Variants in NALCN observed in about 807,000 individuals in gnomAD.
NALCN encodes sodium leak channel, non-selective.
In NALCN, 111 loss-of-function variants were observed where a neutral mutation model predicts 225.3. That is an observed-to-expected ratio of 0.49 (90% confidence interval 0.42 to 0.58). The LOEUF is 0.58. Among genes scored for constraint, NALCN ranks in the 20% least tolerant of loss-of-function variants. The probability of loss-of-function intolerance (pLI) is 0.00; values close to 1 mark genes in which losing one functional copy is unlikely to be tolerated. For missense variants in NALCN, 1,378 were observed against 2,202.4 expected (o/e 0.63, Z 7.49); for synonymous variants, 764 against 769.0 (o/e 0.99, Z 0.11).
chr13:101,284,943 G>A (rs1468730765), intron 9 of NALCN, among the ~76,000 whole-genome samples: 1 of 152,092 alleles, frequency 6.6e-6, no homozygotes, highest in Non-Finnish European at 1.5e-5. Context: ...ATGTGTGTAT[G>A]GTAGGAATAG....
intron 6 of NALCN, among the ~76,000 whole-genome samples, chr13:101,353,465 C>T (rs765030353): frequency 6.6e-6 from 1 of 152,182 alleles, no homozygotes; most frequent in East Asian, 1.9e-4. Flanking sequence ...CTAGCTAATT[C>T]TAATGCTGGA....
At chr13:101,065,108 C>T (rs1458810147) in intron 40 of NALCN, among the ~76,000 whole-genome samples, 1 of 152,172 alleles carries the variant, frequency 6.6e-6, no homozygotes, top group Non-Finnish European at 1.5e-5. Flanking sequence ...GGACTGTGCT[C>T]TCCCAGATCC....
At chr13:101,317,077 G>A (rs2044579652) in intron 7 of NALCN, among the ~76,000 whole-genome samples, 1 of 151,876 alleles carries the variant, frequency 6.6e-6, no homozygotes, top group African/African-American at 2.4e-5. Flanking sequence ...CTCATCTTAG[G>A]ATTTTCTAAA....
At chr13:101,249,402 A>C (rs1047691534) in intron 11 of NALCN, among the ~76,000 whole-genome samples, 10 of 152,204 alleles carry the variant, frequency 6.6e-5, no homozygotes, top group Non-Finnish European at 1.5e-4. Flanking sequence ...AGAGAAAAAG[A>C]GAAAAATATG....
intron 7 of NALCN, among the ~76,000 whole-genome samples, chr13:101,324,920 A>G (rs2044887907): frequency 6.6e-6 from 1 of 152,162 alleles, no homozygotes; most frequent in Non-Finnish European, 1.5e-5. Flanking sequence ...TTTTGTCACA[A>G]ATAGCTCTTA....
Position 101,292,315 on chromosome 13 carries a change from A to C in NALCN, c.851T>G (p.Phe284Cys). Residue 284 changes from phenylalanine to cysteine, a missense_variant, in exon 8 of 44, where the codon TTC (phenylalanine) becomes TGC (cysteine). Coordinates refer to ENST00000251127, the MANE Select transcript of NALCN (RefSeq NM_052867.4). The surrounding 1 kb of genome is among the most constrained non-coding windows in gnomAD (Gnocchi z 4.3). ...YEAASQEGWV[F>C]LMYRAIDSFP... is the part of the protein sequence containing the mutation. ...GCTGTCAATTGCTCTGTACATGAGG[A>C]ACACCCAGCCTTCCTGTGAGGCGGC... The C allele has an allele frequency of 6.2e-7, 1 of 1,614,132 alleles. No individual in the cohort carries two copies. Among genetic ancestry groups the C allele is most frequent in the Non-Finnish European group, 8.5e-7 (1 of 1,180,026 alleles).
chr13:101,344,796 A>G (rs774357122), intron 7 of NALCN, among the ~76,000 whole-genome samples: 10 of 152,180 alleles, frequency 6.6e-5, no homozygotes, highest in Non-Finnish European at 1.3e-4. Flanking sequence ...CATATTCACT[A>G]AGTAGTTCAT....
chr13:101,382,522 T>C lies in NALCN; in HGVS notation c.292-3869A>G, dbSNP rs1487548252. ...AAATTGGGGCCTCACCAATTCAGAA[T>C]GAAAAGCTATCAATAACAGATGTGA... On this transcript the variant is annotated intron_variant, in intron 3 of 43. Coordinates refer to ENST00000251127, the MANE Select transcript of NALCN (RefSeq NM_052867.4). Among the ~76,000 whole-genome samples the C allele has an allele frequency of 1.3e-5, 2 of 152,278 alleles. 1 individual carries two copies. The highest frequency in any genetic ancestry group is 2.9e-5 in the Non-Finnish European group (2 of 68,008).
At chr13:101,383,893 G>A (rs1362973206) in intron 3 of NALCN, among the ~76,000 whole-genome samples, 1 of 152,102 alleles carries the variant, frequency 6.6e-6, no homozygotes, top group Non-Finnish European at 1.5e-5. Flanking sequence ...TGAACTGGTA[G>A]GAATTAAAAT....
At chr13:101,084,586 G>A (rs1306561628) in intron 30 of NALCN, among the ~76,000 whole-genome samples, 2 of 112,078 alleles carry the variant, frequency 1.8e-5, no homozygotes, top group Non-Finnish European at 3.7e-5. Flanking sequence ...TTATAGAAAT[G>A]GACTCCAACA....
At chr13:101,157,256 T>C (rs574975428) in intron 15 of NALCN, among the ~76,000 whole-genome samples, 184 of 152,332 alleles carry the variant, frequency 1.2e-3, no homozygotes, top group African/African-American at 4.1e-3. Flanking sequence ...TTCCCTGCTC[T>C]TCTTGCTGAG....
intron 30 of NALCN, among the ~76,000 whole-genome samples, chr13:101,088,263 G>C (rs1051792444): frequency 9.9e-5 from 15 of 152,064 alleles, no homozygotes; most frequent in Admixed American, 9.8e-4. Context: ...CAATTGACTG[G>C]CTAACTGGTA....
intron 28 of NALCN, among the ~76,000 whole-genome samples, chr13:101,094,141 G>A (rs981376278): frequency 6.6e-6 from 1 of 152,186 alleles, no homozygotes; most frequent in Non-Finnish European, 1.5e-5. Context: ...ACCCTTTGGA[G>A]GGGGGTACCC....
At chr13:101,229,132 A>G (rs1488960121) in intron 13 of NALCN, among the ~76,000 whole-genome samples, 1 of 152,200 alleles carries the variant, frequency 6.6e-6, no homozygotes, top group African/African-American at 2.4e-5. Flanking sequence ...TAAGAACCCT[A>G]GCATTCAGGT....
At chr13:101,202,702 G>A (rs567325562) in intron 13 of NALCN, among the ~76,000 whole-genome samples, 3 of 152,234 alleles carry the variant, frequency 2.0e-5, no homozygotes, top group Admixed American at 2.0e-4. Context: ...AAGGGACTTC[G>A]ACACTGCCAA....
chr13:101,328,967 G>C (rs529588704), intron 7 of NALCN, among the ~76,000 whole-genome samples: 1 of 152,232 alleles, frequency 6.6e-6, no homozygotes, highest in African/African-American at 2.4e-5. Flanking sequence ...TGTCCCCTAA[G>C]AGCTGCTTCT....
At chr13:101,207,157 G>C (rs990408988) in intron 13 of NALCN, among the ~76,000 whole-genome samples, 1 of 152,124 alleles carries the variant, frequency 6.6e-6, no homozygotes, top group Non-Finnish European at 1.5e-5. Context: ...ATGCTTTTTA[G>C]TGTCATTTTA....
At chr13:101,223,194 A>G (rs953175805) in intron 13 of NALCN, among the ~76,000 whole-genome samples, 2 of 152,174 alleles carry the variant, frequency 1.3e-5, no homozygotes, top group African/African-American at 4.8e-5. Flanking sequence ...TTAAATTCCC[A>G]TAAACACATA....
chr13:101,163,365 A>T (rs1278318439), intron 15 of NALCN, among the ~76,000 whole-genome samples: 1 of 152,162 alleles, frequency 6.6e-6, no homozygotes, highest in African/African-American at 2.4e-5. Context: ...TGTTTGTTCC[A>T]TGGTAAGAGA....
Sources: allele counts gnomAD v4.1 joint callset (sites outside exome capture counted in the v4.1 genomes callset), GRCh38; gene constraint gnomAD v4.1.1; non-coding constraint Gnocchi (gnomAD v3.1); transcripts MANE v1.5; gene names NCBI Gene and HGNC (gene_info 2026-07-23, HGNC 2026-07-21).